FBXL17: variants seen among roughly 807,000 people sequenced by gnomAD.
FBXL17 encodes F-box and leucine rich repeat protein 17, also known as F-box/LRR-repeat protein 17.
In FBXL17, 22 loss-of-function variants were observed where a neutral mutation model predicts 66.2. That is an observed-to-expected ratio of 0.33 (90% CI 0.24 to 0.47). FBXL17 has a LOEUF of 0.47. FBXL17 is among the 20% of genes least tolerant of loss of function. The pLI, the probability that FBXL17 is intolerant of heterozygous loss-of-function variation, is 1.00. For missense variants in FBXL17, 878 were observed against 948.2 expected (o/e 0.93, Z 0.97); for synonymous variants, 474 against 400.5 (o/e 1.18, Z -2.19).
chr5:108,355,259 A>G (rs1009134421), intron 3 of FBXL17, among the ~76,000 whole-genome samples: 1 of 137,788 alleles, frequency 7.3e-6, no homozygotes, highest in African/African-American at 2.8e-5. Context: ...GGGATGAAAA[A>G]CTTTATTTAT....
intron 6 of FBXL17, among the ~76,000 whole-genome samples, chr5:108,087,219 T>C (rs1233711401): frequency 6.6e-6 from 1 of 152,204 alleles, no homozygotes. Flanking sequence ...ACTTGTAACA[T>C]AAAAGATCCA....
intron 6 of FBXL17, among the ~76,000 whole-genome samples, chr5:108,035,340 G>C (rs1399207407): frequency 6.6e-6 from 1 of 152,068 alleles, no homozygotes; most frequent in Non-Finnish European, 1.5e-5. Flanking sequence ...AATTATGTGG[G>C]AGAGGAAGAA....
intron 6 of FBXL17, among the ~76,000 whole-genome samples, chr5:108,173,332 G>T (rs1752676863): frequency 6.6e-6 from 1 of 151,934 alleles, no homozygotes; most frequent in Non-Finnish European, 1.5e-5. Flanking sequence ...ACACCAGCAT[G>T]GCACATGTAT....
At chr5:108,021,609 T>C (rs1456422082) in intron 6 of FBXL17, among the ~76,000 whole-genome samples, 2 of 151,800 alleles carry the variant, frequency 1.3e-5, no homozygotes, top group Admixed American at 6.6e-5. Flanking sequence ...ACAATATAGA[T>C]ACAGATATGT....
At chr5:107,955,262 G>C (rs1410366332) in intron 7 of FBXL17, among the ~76,000 whole-genome samples, 4 of 151,816 alleles carry the variant, frequency 2.6e-5, no homozygotes, top group Non-Finnish European at 5.9e-5. Context: ...TCACAAAATA[G>C]TTCTTTCTCT....
intron 5 of FBXL17, among the ~76,000 whole-genome samples, chr5:108,186,498 G>A (rs568907163): frequency 3.2e-4 from 38 of 118,424 alleles, no homozygotes; most frequent in Middle Eastern, 4.1e-3. Context: ...TTGGCCAGGC[G>A]CGGTGGCTCA....
intron 7 of FBXL17, among the ~76,000 whole-genome samples, chr5:107,970,783 G>A (rs185024712): frequency 3.9e-5 from 6 of 152,108 alleles, no homozygotes; most frequent in South Asian, 4.1e-4. Context: ...AGGCTCTGAC[G>A]GCAAGAAAAA....
Position 107,962,351 on chromosome 5 carries a change from C to T in FBXL17, c.1822+58574G>A, listed in dbSNP as rs138284884. 2.1e-3 allele frequency among the ~76,000 whole-genome samples: 321 copies of T among 152,234 alleles called. 2 individuals carry two copies. Among genetic ancestry groups the T allele is most frequent in the African/African-American group, 7.3e-3 (305 of 41,568 alleles). On this transcript the variant is annotated intron_variant, in intron 7 of 8. Coordinates refer to ENST00000542267, the MANE Select transcript of FBXL17 (RefSeq NM_001163315.3). ...CATTAATGACATTTAGCAATCTATG[C>T]TTTCACTGTGACCATAACATTCTAG... is the stretch of plus-strand genomic sequence containing the variant.
At chr5:107,871,344 A>G (rs915431308) in intron 8 of FBXL17, among the ~76,000 whole-genome samples, 32 of 152,196 alleles carry the variant, frequency 2.1e-4, no homozygotes, top group African/African-American at 7.2e-4. Context: ...GCAGCAAAGA[A>G]CTTGGGAGGA....
intron 4 of FBXL17, among the ~76,000 whole-genome samples, chr5:108,238,197 T>TA (rs901632401): frequency 6.4e-4 from 98 of 152,368 alleles, no homozygotes; most frequent in African/African-American, 2.3e-3. Context: ...ATTCACTTTA[T>TA]AAATCATTTC....
chr5:107,962,162 T>G (rs964026860), intron 7 of FBXL17, among the ~76,000 whole-genome samples: 2 of 152,162 alleles, frequency 1.3e-5, no homozygotes, highest in South Asian at 2.1e-4. Flanking sequence ...TGGTGATGGT[T>G]GTACAACACT....
intron 6 of FBXL17, among the ~76,000 whole-genome samples, chr5:108,066,075 TAAG>T (rs757060157): frequency 1.3e-5 from 2 of 152,178 alleles, no homozygotes; most frequent in East Asian, 1.9e-4. Flanking sequence ...CTCCAAAAGC[TAAG>T]AAGAAGAAGG....
chr5:108,381,606 G>C lies in FBXL17; in HGVS notation c.86C>G (p.Pro29Arg). 1 of 1,480,406 alleles carries C rather than the reference G, an allele frequency of 6.8e-7. No homozygotes were observed. The highest frequency in any genetic ancestry group is 1.3e-5 in the South Asian group (1 of 78,192). The allele number at this position is 1,480,406 out of a possible 1,614,324, so 91.7% of individuals were successfully genotyped here. Residue 29 changes from proline (P) to arginine (R), a missense_variant, in exon 1 of 9, where the codon CCT (proline) becomes CGT (arginine). By Grantham distance (103) the Pro-to-Arg change is moderately radical. Around this residue, in one of 4 missense-constraint regions of FBXL17, gnomAD observed 605 missense variants for 509.5 expected, o/e 1.19. Transcript: ENST00000542267. ...RCCSWCRRRRPLLRLPRRTPA... is the reference protein window; with the variant it reads ...RCCSWCRRRRRLLRLPRRTPA... ...GGTCCGGCGGGGCAGCCTGAGGAGA[G>C]GGCGCCGGCGGCGGCACCAACTGCA...
chr5:108,205,561 CTCTT>C (rs1406554227), intron 5 of FBXL17, among the ~76,000 whole-genome samples: 5 of 152,126 alleles, frequency 3.3e-5, no homozygotes, highest in East Asian at 1.9e-4. Context: ...AAAAATGTCT[CTCTT>C]TCTTTTCTAC....
At chr5:108,161,484 T>TCAAA (rs35579770) in intron 6 of FBXL17, among the ~76,000 whole-genome samples, 101,331 of 150,352 alleles carry the variant, frequency 0.67, 34,805 homozygotes, top group East Asian at 0.92. Context: ...AGACTCTGTC[T>TCAAA]CAAACAAACA....
chr5:107,980,343 A>C (rs1752759567), intron 7 of FBXL17, among the ~76,000 whole-genome samples: 1 of 151,992 alleles, frequency 6.6e-6, no homozygotes, highest in Non-Finnish European at 1.5e-5. Context: ...ACTACCCTTC[A>C]ATTAACTTAA....
At chr5:107,875,666 T>C (rs1748597686) in intron 8 of FBXL17, among the ~76,000 whole-genome samples, 2 of 152,236 alleles carry the variant, frequency 1.3e-5, no homozygotes, top group Admixed American at 6.5e-5. Flanking sequence ...TGGAACTCCA[T>C]GTGAAAACCA....
chr5:107,914,699 A>T (rs1750070168), intron 7 of FBXL17, among the ~76,000 whole-genome samples: 1 of 152,182 alleles, frequency 6.6e-6, no homozygotes, highest in African/African-American at 2.4e-5. Context: ...TTTCTTCAGG[A>T]TGGTACTTAT....
At chr5:108,271,087 CAA>C (rs146895612) in intron 4 of FBXL17, among the ~76,000 whole-genome samples, 38 of 137,916 alleles carry the variant, frequency 2.8e-4, no homozygotes, top group East Asian at 4.3e-4. Context: ...AAAGACAATG[CAA>C]AAAAAAAAAA....
Sources: allele counts gnomAD v4.1 joint callset (sites outside exome capture counted in the v4.1 genomes callset), GRCh38; gene constraint gnomAD v4.1.1; regional missense constraint gnomAD v4.1.1; transcripts MANE v1.5; gene names NCBI Gene and HGNC (gene_info 2026-07-23, HGNC 2026-07-21).